CHMP3: variants seen among roughly 807,000 people sequenced by gnomAD.
The protein encoded by CHMP3 is charged multivesicular body protein 3.
Under a neutral mutation model 27.4 loss-of-function variants are expected in CHMP3, and 8 were observed. The observed-to-expected ratio is 0.29, with a 90% CI of 0.17 to 0.53. The LOEUF (loss-of-function observed/expected upper bound fraction) is 0.53, where lower values mean the gene tolerates loss of function less well. Ranked by LOEUF, CHMP3 falls within the 20% of genes least tolerant of loss-of-function variation. The pLI, the probability that CHMP3 is intolerant of heterozygous loss-of-function variation, is 0.96. For missense variants in CHMP3, 208 were observed against 271.5 expected (o/e 0.77, Z 1.64); for synonymous variants, 86 against 85.5 (o/e 1.01, Z -0.03).
At chr2:86,541,740 G>C (rs1676370049) in intron 2 of CHMP3, among the ~76,000 whole-genome samples, 1 of 152,068 alleles carries the variant, frequency 6.6e-6, no homozygotes, top group Non-Finnish European at 1.5e-5. Context: ...GCTGGGAGTG[G>C]AATTTCCCTC....
chr2:86,534,546 T>C (rs533035017), intron 2 of CHMP3, among the ~76,000 whole-genome samples: 72 of 152,302 alleles, frequency 4.7e-4, no homozygotes, highest in African/African-American at 1.6e-3. Flanking sequence ...CTAGTTGATA[T>C]ACCCATTGTT....
intron 3 of CHMP3, among the ~76,000 whole-genome samples, chr2:86,528,483 G>A (rs907372891): frequency 3.9e-5 from 6 of 152,102 alleles, no homozygotes; most frequent in African/African-American, 1.4e-4. Flanking sequence ...GACTACAACT[G>A]CATGCCACCA....
chr2:86,563,142 C>T, intron 1 of CHMP3, 162 bp downstream of exon 1: 1 of 820,168 alleles, frequency 1.2e-6, no homozygotes, highest in South Asian at 1.7e-5. Context: ...CAGCCGACTC[C>T]TAAAGACTCT....
At chr2:86,524,089 G>A (rs1274357415) in intron 3 of CHMP3, among the ~76,000 whole-genome samples, 1 of 152,050 alleles carries the variant, frequency 6.6e-6, no homozygotes, top group Non-Finnish European at 1.5e-5. Context: ...TATGAGGAAG[G>A]TACTAACTAT....
intron 4 of CHMP3, 89 bp downstream of exon 4, chr2:86,510,269 T>TGCC: frequency 7.3e-7 from 1 of 1,369,628 alleles, no homozygotes; most frequent in Non-Finnish European, 1.0e-6. Flanking sequence ...AGTCTGTTCA[T>TGCC]CCCCACCCAC....
chr2:86,563,403 G>C lies in CHMP3; in HGVS notation c.-55C>G, dbSNP rs965234743. On this transcript the variant is annotated 5_prime_UTR_variant, in exon 1 of 6. Coordinates refer to ENST00000263856, the MANE Select transcript of CHMP3 (RefSeq NM_016079.4). ...GCTTTCAGTTCCCCGCGCCCAGGCAGGTCACGGGCAGCCGCCTGGGCGGGG... is the reference window on the plus strand; with the variant it reads ...GCTTTCAGTTCCCCGCGCCCAGGCACGTCACGGGCAGCCGCCTGGGCGGGG... 4.3e-6 allele frequency: 5 copies of C among 1,174,026 alleles called. No individual in the cohort carries two copies. Among genetic ancestry groups the C allele is most frequent in the Non-Finnish European group, 6.0e-6 (5 of 839,372 alleles). The allele number at this position is 1,174,026 out of a possible 1,614,324, so 72.7% of individuals were successfully genotyped here.
chr2:86,560,268 A>T (rs1371073795), intron 1 of CHMP3, among the ~76,000 whole-genome samples: 1 of 152,200 alleles, frequency 6.6e-6, no homozygotes, highest in Non-Finnish European at 1.5e-5. Flanking sequence ...TCTCAAAAAA[A>T]AAAAATTATT....
At chr2:86,544,328 GATTTAC>G (rs757172704) in intron 1 of CHMP3, among the ~76,000 whole-genome samples, 72 of 147,924 alleles carry the variant, frequency 4.9e-4, no homozygotes, top group Admixed American at 2.2e-3. Flanking sequence ...TCACTGTTTT[GATTTAC>G]ATTTTCTTTT....
intron 2 of CHMP3, among the ~76,000 whole-genome samples, chr2:86,536,838 G>A (rs983984196): frequency 6.6e-6 from 1 of 151,954 alleles, no homozygotes; most frequent in African/African-American, 2.4e-5. Context: ...CACAATGCAT[G>A]TTGGTCTACT....
At chr2:86,533,201 T>C (rs980442869) in intron 2 of CHMP3, among the ~76,000 whole-genome samples, 1 of 152,236 alleles carries the variant, frequency 6.6e-6, no homozygotes, top group East Asian at 1.9e-4. Context: ...GGTTACACAA[T>C]TTATTAACAT....
chr2:86,506,875 T>G (rs372450007), intron 5 of CHMP3, among the ~76,000 whole-genome samples: 6 of 152,038 alleles, frequency 3.9e-5, no homozygotes, highest in African/African-American at 1.2e-4. Context: ...TCACAAGGTG[T>G]TGGGATTACA....
At chr2:86,563,277 C>T (rs1299648169) in intron 1 of CHMP3, 27 bp downstream of exon 1, 8 of 1,613,596 alleles carry the variant, frequency 5.0e-6, no homozygotes, top group Non-Finnish European at 6.8e-6. Context: ...GATCCACCCG[C>T]TTATCTGCCG....
chr2:86,551,278 A>G (rs1676894647), intron 1 of CHMP3, among the ~76,000 whole-genome samples: 1 of 106,466 alleles, frequency 9.4e-6, no homozygotes, highest in African/African-American at 3.7e-5. Context: ...TATGAACTCC[A>G]ATTTTTTTTT....
At chr2:86,544,067 T>C (rs1676462484) in intron 1 of CHMP3, among the ~76,000 whole-genome samples, 1 of 152,246 alleles carries the variant, frequency 6.6e-6, no homozygotes, top group South Asian at 2.1e-4. Flanking sequence ...TGTTAACTTT[T>C]CGTTTCTGGT....
intron 3 of CHMP3, among the ~76,000 whole-genome samples, chr2:86,524,467 G>A (rs1472771186): frequency 2.0e-5 from 3 of 152,092 alleles, no homozygotes; most frequent in African/African-American, 2.4e-5. Flanking sequence ...TACCAAACAC[G>A]TATAAGCTTT....
chr2:86,528,500 G>C (rs1675798247), intron 3 of CHMP3, among the ~76,000 whole-genome samples: 2 of 152,062 alleles, frequency 1.3e-5, no homozygotes, highest in Non-Finnish European at 2.9e-5. Flanking sequence ...ACCATGCCTG[G>C]CTCTCCATGA....
At chr2:86,558,646 G>A (rs1677222197) in intron 1 of CHMP3, among the ~76,000 whole-genome samples, 1 of 152,102 alleles carries the variant, frequency 6.6e-6, no homozygotes, top group South Asian at 2.1e-4. Context: ...CCTGGCCTCT[G>A]CTTATCCTGT....
chr2:86,512,874 C>T (rs1485559833), intron 3 of CHMP3, among the ~76,000 whole-genome samples: 1 of 152,192 alleles, frequency 6.6e-6, no homozygotes, highest in Non-Finnish European at 1.5e-5. Context: ...ACTGACAATA[C>T]CAAATGCTGG....
At position 86,563,370 on chromosome 2, in the gene CHMP3, C is replaced by G. The variant is rs779554732; in HGVS notation, c.-22G>C. On this transcript the variant is annotated 5_prime_UTR_variant, in exon 1 of 6. Coordinates refer to ENST00000263856, the MANE Select transcript of CHMP3 (RefSeq NM_016079.4). Reference sequence around the variant, plus strand: ...CCATGACGAACTGAACCCGTCTTGCCCCTTCCGGCTTTCAGTTCCCCGCGC... The same window carrying G: ...CCATGACGAACTGAACCCGTCTTGCGCCTTCCGGCTTTCAGTTCCCCGCGC... 4 of 1,612,968 alleles carry G rather than the reference C, an allele frequency of 2.5e-6. No homozygotes were observed. The African/African-American group carries it at 4.0e-5, about 16-fold the overall frequency.
Sources: allele counts gnomAD v4.1 joint callset (sites outside exome capture counted in the v4.1 genomes callset), GRCh38; gene constraint gnomAD v4.1.1; transcripts MANE v1.5; gene names NCBI Gene and HGNC (gene_info 2026-07-23, HGNC 2026-07-21).